Variants in KCNK2 observed in about 807,000 individuals in gnomAD.
KCNK2 encodes potassium channel subfamily K member 2.
Under a neutral mutation model 40.5 loss-of-function variants are expected in KCNK2, and 21 were observed. That is an observed-to-expected ratio of 0.52 (90% CI 0.37 to 0.75). The LOEUF (loss-of-function observed/expected upper bound fraction) is 0.75, where lower values mean the gene tolerates loss of function less well. KCNK2 is among the 30% of genes least tolerant of loss of function. The pLI is 0.00. For missense variants in KCNK2, 399 were observed against 531.6 expected (o/e 0.75, Z 2.45); for synonymous variants, 191 against 202.2 (o/e 0.94, Z 0.47).
intron 6 of KCNK2, among the ~76,000 whole-genome samples, chr1:215,209,469 A>T (rs369922623): frequency 7.5e-3 from 14 of 1,878 alleles, no homozygotes; most frequent in Non-Finnish European, 0.02. Flanking sequence ...ATTATATATA[A>T]TATATATTAT....
chr1:215,138,861 A>G lies in KCNK2; in HGVS notation c.475+14111A>G, dbSNP rs564577068. Among the ~76,000 whole-genome samples the G allele has an allele frequency of 5.9e-5, 9 of 152,286 alleles. No homozygotes were observed. The East Asian group carries it at 1.2e-3, about 20-fold the overall frequency. The stretch of plus-strand genomic sequence containing the variant: ...GGCTGACTTTTATAAATGTTTGCTG[A>G]AAGTCCAAAGATGTGCAGTGCTGGT... On this transcript the variant is annotated intron_variant, in intron 3 of 6. Transcript: ENST00000444842.
chr1:215,055,063 T>C (rs895293992), intron 1 of KCNK2, among the ~76,000 whole-genome samples: 2 of 152,216 alleles, frequency 1.3e-5, no homozygotes, highest in Non-Finnish European at 2.9e-5. Flanking sequence ...TATCATAACT[T>C]ATTATTAAAT....
rs904299927 is a variant in KCNK2 at position 215,230,766 on chromosome 1, C to G, written c.964-4062C>G. ...AAGGTGAGGCTCCCATTCATCCCCC[C>G]ACCTGTCCCACCCCATTTCTGACAG... On this transcript the variant is annotated intron_variant, in intron 6 of 6. Transcript: ENST00000444842. Among the ~76,000 whole-genome samples the G allele has an allele frequency of 6.6e-5, 10 of 151,594 alleles. 1 individual carries two copies. The highest frequency in any genetic ancestry group is 2.6e-4 in the Admixed American group (4 of 15,194).
At chr1:215,025,778 A>G (rs1241300698) in intron 1 of KCNK2, among the ~76,000 whole-genome samples, 2 of 152,032 alleles carry the variant, frequency 1.3e-5, no homozygotes, top group Non-Finnish European at 2.9e-5. Flanking sequence ...CTTTGTGTAC[A>G]TATTTTTGCC....
chr1:215,006,839 TATA>T (rs1656143247), intron 1 of KCNK2, among the ~76,000 whole-genome samples: 1 of 151,500 alleles, frequency 6.6e-6, no homozygotes, highest in Non-Finnish European at 1.5e-5. Context: ...ACAAGAACTA[TATA>T]ATAATGGCAT....
At chr1:215,090,024 C>T (rs1479380093) in intron 2 of KCNK2, among the ~76,000 whole-genome samples, 1 of 151,896 alleles carries the variant, frequency 6.6e-6, no homozygotes, top group East Asian at 1.9e-4. Flanking sequence ...CGGGGTTTCT[C>T]CGTATTGGTC....
chr1:215,211,045 A>G (rs779645601), intron 6 of KCNK2, among the ~76,000 whole-genome samples: 9 of 152,166 alleles, frequency 5.9e-5, no homozygotes, highest in Non-Finnish European at 1.2e-4. Flanking sequence ...CTCAACAAAG[A>G]CACCAGAATA....
chr1:215,064,549 C>A (rs1477748810), intron 1 of KCNK2, among the ~76,000 whole-genome samples: 2 of 152,140 alleles, frequency 1.3e-5, no homozygotes, highest in Non-Finnish European at 2.9e-5. Context: ...TTCCAACCGG[C>A]CTGGACTTGT....
chr1:215,141,338 T>C (rs1397412189), intron 3 of KCNK2, among the ~76,000 whole-genome samples: 6 of 152,170 alleles, frequency 3.9e-5, no homozygotes, highest in Non-Finnish European at 8.8e-5. Flanking sequence ...TGTACTTTTA[T>C]ATAATGAGAA....
chr1:215,007,227 A>ATATATATATATATG (rs1337347831), intron 1 of KCNK2, among the ~76,000 whole-genome samples: 4 of 95,772 alleles, frequency 4.2e-5, no homozygotes, highest in African/African-American at 7.8e-5. Flanking sequence ...ATATATATAT[A>ATATATATATATATG]GGCTCATTTC....
At chr1:215,174,542 A>T (rs1663865815) in intron 5 of KCNK2, among the ~76,000 whole-genome samples, 1 of 152,132 alleles carries the variant, frequency 6.6e-6, no homozygotes, top group South Asian at 2.1e-4. Flanking sequence ...ATGGCATTGA[A>T]TCTATAAATT....
chr1:215,107,891 A>C (rs1660504769), intron 2 of KCNK2, among the ~76,000 whole-genome samples: 1 of 152,158 alleles, frequency 6.6e-6, no homozygotes, highest in Non-Finnish European at 1.5e-5. Flanking sequence ...TACCATTTAC[A>C]CAGCATTTAT....
chr1:215,135,099 C>T (rs1450401337), intron 3 of KCNK2, among the ~76,000 whole-genome samples: 1 of 152,110 alleles, frequency 6.6e-6, no homozygotes, highest in African/African-American at 2.4e-5. Context: ...CATTATACTA[C>T]AACTAAAATC....
intron 1 of KCNK2, among the ~76,000 whole-genome samples, chr1:215,022,281 G>A (rs1183341776): frequency 6.6e-6 from 1 of 152,026 alleles, no homozygotes; most frequent in East Asian, 1.9e-4. Context: ...CTGGGTTCTA[G>A]AACTTTAAGA....
chr1:215,159,791 G>A (rs538601217), intron 3 of KCNK2, among the ~76,000 whole-genome samples: 9 of 152,138 alleles, frequency 5.9e-5, no homozygotes, highest in Non-Finnish European at 1.3e-4. Context: ...CTTTTCAGTA[G>A]TGAAACCTTA....
At chr1:215,011,168 G>A (rs920142739) in intron 1 of KCNK2, among the ~76,000 whole-genome samples, 2 of 151,830 alleles carry the variant, frequency 1.3e-5, no homozygotes, top group Non-Finnish European at 2.9e-5. Flanking sequence ...TGTGCTTCCC[G>A]TTTGTGGTCA....
chr1:215,078,772 G>A (rs924676317), upstream of KCNK2, among the ~76,000 whole-genome samples: 2 of 152,124 alleles, frequency 1.3e-5, no homozygotes, highest in African/African-American at 4.8e-5. Flanking sequence ...TGAGTTCAGT[G>A]TATTATCTCC....
intron 2 of KCNK2, among the ~76,000 whole-genome samples, chr1:215,123,052 T>A (rs1438175848): frequency 6.6e-6 from 1 of 152,148 alleles, no homozygotes; most frequent in Non-Finnish European, 1.5e-5. Flanking sequence ...CCGAAAACAT[T>A]CATAATCTTT....
At chr1:215,104,273 C>T (rs6656675) in intron 2 of KCNK2, among the ~76,000 whole-genome samples, 128,999 of 151,988 alleles carry the variant, frequency 0.85, 58,757 homozygotes, top group East Asian at 1. Context: ...GAACAAACAC[C>T]GGATCTGTGA....
Sources: allele counts gnomAD v4.1 joint callset (sites outside exome capture counted in the v4.1 genomes callset), GRCh38; gene constraint gnomAD v4.1.1; transcripts MANE v1.5; gene names NCBI Gene and HGNC (gene_info 2026-07-23, HGNC 2026-07-21).